SOX5: variants seen among roughly 807,000 people sequenced by gnomAD.
SOX5 encodes SRY-box transcription factor 5, also known as transcription factor SOX-5.
In SOX5, 9 loss-of-function variants were observed where a neutral mutation model predicts 92.0. The observed-to-expected ratio is 0.10, with a 90% confidence interval of 0.06 to 0.17. The LOEUF (loss-of-function observed/expected upper bound fraction) is 0.17. Among genes scored for constraint, SOX5 ranks in the 10% least tolerant of loss-of-function variants. The probability of loss-of-function intolerance (pLI) is 1.00; values close to 1 mark genes in which losing one functional copy is unlikely to be tolerated. For synonymous variants in SOX5, 344 were observed against 336.3 expected (o/e 1.02, Z -0.25); for missense variants, 642 against 944.5 (o/e 0.68, Z 4.20).
chr12:23,631,806 AC>A (rs2078573706), intron 8 of SOX5, among the ~76,000 whole-genome samples: 1 of 152,174 alleles, frequency 6.6e-6, no homozygotes. Context: ...ATGTAATAAG[AC>A]ACCATGAAGC....
chr12:24,516,183 C>CGCCTAAGCCT (rs1949772530), intron 1 of SOX5, among the ~76,000 whole-genome samples: 1 of 151,910 alleles, frequency 6.6e-6, no homozygotes, highest in Admixed American at 6.5e-5. Flanking sequence ...CTTAGGACTA[C>CGCCTAAGCCT]AAGCATGCGC....
At chr12:24,436,677 C>A (rs924873757) in intron 1 of SOX5, among the ~76,000 whole-genome samples, 3 of 152,040 alleles carry the variant, frequency 2.0e-5, no homozygotes, top group Admixed American at 6.6e-5. Flanking sequence ...ATGACGGGGG[C>A]TACACTACAG....
intron 1 of SOX5, among the ~76,000 whole-genome samples, chr12:24,482,026 G>T (rs989603065): frequency 2.0e-5 from 3 of 152,172 alleles, no homozygotes; most frequent in African/African-American, 7.2e-5. Flanking sequence ...CTTTAAGGAG[G>T]AAAAACAAAA....
At chr12:23,853,381 A>T (rs557062221) in intron 2 of SOX5, among the ~76,000 whole-genome samples, 3 of 151,896 alleles carry the variant, frequency 2.0e-5, no homozygotes, top group East Asian at 1.9e-4. Flanking sequence ...TTGTTTTATA[A>T]ATCACTATCA....
intron 2 of SOX5, among the ~76,000 whole-genome samples, chr12:24,284,086 C>T (rs753218488): frequency 2.0e-5 from 3 of 152,210 alleles, no homozygotes; most frequent in African/African-American, 4.8e-5. Context: ...GTCAGATAGT[C>T]GCATTGTCTG....
At chr12:24,323,072 A>T (rs1426899202) in intron 2 of SOX5, among the ~76,000 whole-genome samples, 1 of 151,974 alleles carries the variant, frequency 6.6e-6, no homozygotes, top group Admixed American at 6.6e-5. Flanking sequence ...CATCAGTATT[A>T]TCTGGAAAAT....
At chr12:24,054,889 CAG>C (rs908100498) in intron 4 of SOX5, among the ~76,000 whole-genome samples, 1 of 152,088 alleles carries the variant, frequency 6.6e-6, no homozygotes, top group East Asian at 1.9e-4. Flanking sequence ...TAGAATAAAA[CAG>C]AAGTCACCAG....
chr12:23,530,858 G>GGAAA lies in SOX5; in HGVS notation c.*3357_*3360dup, dbSNP rs1484703772. 2.3e-5 allele frequency: 2 copies of GGAAA among 86,814 alleles called. No individual in the cohort carries two copies. Among genetic ancestry groups the GGAAA allele is most frequent in the Non-Finnish European group, 5.3e-5 (2 of 37,634 alleles). The allele number at this position is 86,814 out of a possible 1,614,324, so 5.4% of individuals were successfully genotyped here. ...GCGCATGTGAGAGAGAGAGAGAAAGGGAAAGAGATAAAGTGTGAACAGATA... is the reference window on the plus strand; with the variant it reads ...GCGCATGTGAGAGAGAGAGAGAAAGGGAAAGAAAGAGATAAAGTGTGAACAGATA... On this transcript the variant is annotated 3_prime_UTR_variant, in exon 15 of 15. Coordinates refer to ENST00000451604, the MANE Select transcript of SOX5 (RefSeq NM_006940.6).
In SOX5 at chr12:23,741,179, T is replaced by A. The variant is rs139459164; in HGVS notation, c.569-140A>T. The A allele has an allele frequency of 5.2e-4, 290 of 553,500 alleles. 1 individual carries two copies. Among genetic ancestry groups the A allele is most frequent in the African/African-American group, 5.2e-3 (272 of 51,956 alleles). The allele number at this position is 553,500 out of a possible 1,614,324, so 34.3% of individuals were successfully genotyped here. ...AAAGCATTACCTACCTTCTTTTACATTTTCACGCAACAGTAAAAAGTGATG... is the reference window on the plus strand; with the variant it reads ...AAAGCATTACCTACCTTCTTTTACAATTTCACGCAACAGTAAAAAGTGATG... On this transcript the variant is annotated intron_variant, in intron 4 of 14. Transcript: ENST00000451604.
At chr12:24,059,262 T>C (rs1939193782) in intron 4 of SOX5, among the ~76,000 whole-genome samples, 1 of 152,168 alleles carries the variant, frequency 6.6e-6, no homozygotes, top group South Asian at 2.1e-4. Flanking sequence ...AGAAAATCCA[T>C]ATTCACAGCA....
chr12:24,184,659 A>G (rs527426877), intron 4 of SOX5, among the ~76,000 whole-genome samples: 4 of 152,250 alleles, frequency 2.6e-5, no homozygotes, highest in African/African-American at 7.2e-5. Context: ...ACAGCTAACA[A>G]AAGAGTGGGT....
chr12:23,702,535 G>A (rs1312611701), intron 6 of SOX5, among the ~76,000 whole-genome samples: 1 of 152,048 alleles, frequency 6.6e-6, no homozygotes, highest in East Asian at 1.9e-4. Context: ...AACTCCTGCT[G>A]ATATCAATGG....
At chr12:23,779,467 T>C (rs1026039118) in intron 3 of SOX5, among the ~76,000 whole-genome samples, 7 of 151,184 alleles carry the variant, frequency 4.6e-5, no homozygotes, top group African/African-American at 1.7e-4. Context: ...TAAATGTTAA[T>C]ACACATATTC....
chr12:24,084,401 T>C lies in SOX5; in HGVS notation c.-2+128942A>G, dbSNP rs1391785. Among the ~76,000 whole-genome samples the C allele has an allele frequency of 1.6e-4, 25 of 152,208 alleles. No individual in the cohort carries two copies. In the East Asian group the frequency reaches 1.7e-3, roughly 11 times the overall value. On this transcript the variant is annotated intron_variant, in intron 4 of 4. Coordinates refer to the SOX5 transcript ENST00000446891. The stretch of plus-strand genomic sequence containing the variant: ...GAGCTCCTGACTTTTATCTCCAGTG[T>C]TAGCTTCAAAATAGATTTCATATCT...
At position 23,740,885 on chromosome 12, in the gene SOX5, G is replaced by A. The variant is rs184892176; in HGVS notation, c.723C>T (p.Ala241=). ...TACTCACTTGTTCTTGTTGCTGCTT[G>A]GCCAGCTCCATTTGCTGACGCTGTT... ...IEKQRQQMEL[A]KQQQEQIARQ... Residue 241 remains alanine, a synonymous_variant, in exon 5 of 15, where the codon GCC becomes GCT. Coordinates refer to ENST00000451604, the MANE Select transcript of SOX5 (RefSeq NM_006940.6). 38 of 1,611,610 alleles carry A rather than the reference G, an allele frequency of 2.4e-5. No homozygotes were observed. Among genetic ancestry groups the A allele is most frequent in the Non-Finnish European group, 3.2e-5 (38 of 1,178,462 alleles).
chr12:23,891,889 T>C (rs11047149), intron 2 of SOX5, among the ~76,000 whole-genome samples: 2,743 of 152,284 alleles, frequency 0.018, 82 homozygotes, highest in African/African-American at 0.062. Flanking sequence ...GGATATATTA[T>C]ACATTAGTAG....
At chr12:23,916,543 T>G (rs1410454155) in intron 1 of SOX5, among the ~76,000 whole-genome samples, 1 of 152,122 alleles carries the variant, frequency 6.6e-6, no homozygotes, top group Non-Finnish European at 1.5e-5. Context: ...CTGCTGTGGG[T>G]GTACTGTCAA....
intron 3 of SOX5, among the ~76,000 whole-genome samples, chr12:23,831,911 C>T (rs773586139): frequency 6.8e-6 from 1 of 147,342 alleles, no homozygotes; most frequent in Non-Finnish European, 1.5e-5. Flanking sequence ...CTGACAGATA[C>T]AGATGCTAAA....
Position 24,347,769 on chromosome 12 carries a change from G to A in SOX5, c.-174+20794C>T, listed in dbSNP as rs114761335. ...ATGTGACTACAGTATTAAACTATCT[G>A]TCATGAATTGGCACTGCTAAGTGCA... On this transcript the variant is annotated intron_variant, in intron 2 of 4. Coordinates refer to the SOX5 transcript ENST00000446891. Among the ~76,000 whole-genome samples, 373 of 152,202 alleles carry A rather than the reference G, an allele frequency of 2.5e-3. 1 individual carries two copies. Among genetic ancestry groups the A allele is most frequent in the African/African-American group, 8.1e-3 (338 of 41,550 alleles).
Sources: gnomAD v4.1 joint callset for allele counts (sites outside exome capture counted in the v4.1 genomes callset) on GRCh38, gnomAD v4.1.1 for gene constraint, MANE v1.5 for transcripts, NCBI Gene and HGNC (gene_info 2026-07-23, HGNC 2026-07-21) for gene names.